Variants in MTMR10 observed in about 807,000 individuals in gnomAD.
MTMR10 encodes the protein myotubularin related protein 10, also known as myotubularin-related protein 10.
Under a neutral mutation model 88.1 loss-of-function variants are expected in MTMR10, and 56 were observed. That is an observed-to-expected ratio of 0.64 (90% CI 0.51 to 0.79). The LOEUF (loss-of-function observed/expected upper bound fraction) is 0.79, where lower values mean the gene tolerates loss of function less well. Among genes scored for constraint, MTMR10 ranks in the 30% least tolerant of loss-of-function variants. The pLI, the probability that MTMR10 is intolerant of heterozygous loss-of-function variation, is 0.00. For synonymous variants in MTMR10, 380 were observed against 340.9 expected, an observed-to-expected ratio of 1.11 and a Z score of -1.26; for missense variants, 883 against 924.7, an observed-to-expected ratio of 0.95 and a Z score of 0.58.
chr15:30,966,154 A>C (rs1268774615), intron 6 of MTMR10: 1 of 361,092 alleles, frequency 2.8e-6, no homozygotes, highest in Admixed American at 3.4e-5. Context: ...TGAAGGATGT[A>C]ATATAAAAAA....
the MTMR10 span, chr15:30,930,774 T>G: frequency 7.0e-7 from 1 of 1,425,566 alleles, no homozygotes; most frequent in Non-Finnish European, 9.8e-7. Context: ...AAGATTGAAT[T>G]CCTTGAGAGC....
downstream of MTMR10, among the ~76,000 whole-genome samples, chr15:30,936,127 T>C (rs1006185210): frequency 1.8e-5 from 1 of 55,466 alleles, no homozygotes; most frequent in Non-Finnish European, 4.7e-5. Flanking sequence ...TTTATTGCTG[T>C]GTCTTCAAGT....
intron 5 of MTMR10, among the ~76,000 whole-genome samples, chr15:30,973,180 A>G (rs1027546636): frequency 2.0e-5 from 3 of 152,200 alleles, no homozygotes; most frequent in Admixed American, 1.3e-4. Flanking sequence ...AAACAGCACA[A>G]TCGAACAGGT....
chr15:30,967,948 T>C lies in MTMR10; in HGVS notation c.537A>G (p.Glu179=). Residue 179 remains glutamate (E), a synonymous_variant, in exon 6 of 16, where the codon GAA becomes GAG. Coordinates refer to ENST00000435680, the MANE Select transcript of MTMR10 (RefSeq NM_017762.3). ...AATTGTGGTATTTTTTCCCAACATATTCAAATGCAAAGAGTAGCTGGAGGT... is the reference window on the plus strand; with the variant it reads ...AATTGTGGTATTTTTTCCCAACATACTCAAATGCAAAGAGTAGCTGGAGGT... The part of the protein sequence containing the change: ...PTDLQLLFAF[E]YVGKKYHNSA... 1 of 1,568,090 alleles carries C rather than the reference T, an allele frequency of 6.4e-7. No homozygotes were observed. The highest frequency in any genetic ancestry group is 8.7e-7 in the Non-Finnish European group (1 of 1,155,132).
chr15:30,955,339 C>G (rs190090516), intron 9 of MTMR10, among the ~76,000 whole-genome samples: 1 of 152,178 alleles, frequency 6.6e-6, no homozygotes, highest in Non-Finnish European at 1.5e-5. Context: ...GGCACCATCT[C>G]GGCTCACTGC....
At chr15:30,929,125 T>C in the MTMR10 span, 2 of 1,285,524 alleles carry the variant, frequency 1.6e-6, no homozygotes, top group Non-Finnish European at 2.2e-6. Flanking sequence ...TTCCAAGTTT[T>C]GTATGTACTG....
chr15:30,934,630 C>T (rs1038257590), downstream of MTMR10, among the ~76,000 whole-genome samples: 3 of 152,162 alleles, frequency 2.0e-5, no homozygotes, highest in Admixed American at 1.3e-4. Flanking sequence ...GTTCACCTGC[C>T]GTGGTCTCTT....
At chr15:30,976,517 T>C (rs963911388) in intron 3 of MTMR10, among the ~76,000 whole-genome samples, 4 of 152,228 alleles carry the variant, frequency 2.6e-5, no homozygotes, top group Non-Finnish European at 5.9e-5. Context: ...TTATGTCATT[T>C]TTATAAGCAG....
the MTMR10 span, chr15:30,928,582 A>T: frequency 1.2e-6 from 2 of 1,611,840 alleles, no homozygotes; most frequent in East Asian, 2.2e-5. Flanking sequence ...CACCTTCAGC[A>T]CCCTGTATGG....
the MTMR10 span, chr15:30,927,016 G>T: frequency 1.0e-6 from 1 of 985,408 alleles, no homozygotes; most frequent in Non-Finnish European, 1.2e-6. Context: ...GGACCACTTA[G>T]GAGTTAAGGA....
At chr15:30,927,980 T>C in the MTMR10 span, 2 of 985,822 alleles carry the variant, frequency 2.0e-6, no homozygotes, top group African/African-American at 1.7e-5. Context: ...TAAGGCCAGA[T>C]GTCTCTGTAA....
intron 4 of MTMR10, 45 bp downstream of exon 4, chr15:30,974,886 C>A: frequency 7.9e-7 from 1 of 1,260,852 alleles, no homozygotes; most frequent in Non-Finnish European, 1.1e-6. Context: ...AATAATACTT[C>A]CAGAGTGGAA....
At chr15:30,922,311 G>A in the MTMR10 span, 40 of 1,613,936 alleles carry the variant, frequency 2.5e-5, no homozygotes, top group African/African-American at 8.0e-5. Flanking sequence ...TGGTGGGATC[G>A]ACTGGCCCTT....
At chr15:30,976,538 C>A (rs758780218) in intron 3 of MTMR10, among the ~76,000 whole-genome samples, 2 of 152,148 alleles carry the variant, frequency 1.3e-5, no homozygotes, top group African/African-American at 2.4e-5. Context: ...GTTAAAAGAT[C>A]TGCAACAGAG....
intron 3 of MTMR10, among the ~76,000 whole-genome samples, chr15:30,976,181 G>A (rs1296089233): frequency 1.3e-5 from 2 of 150,812 alleles, no homozygotes; most frequent in African/African-American, 4.9e-5. Flanking sequence ...CAGGCAGATT[G>A]CTTGGGCTCA....
intron 12 of MTMR10, 121 bp downstream of exon 12, chr15:30,951,847 A>C (rs182747208): frequency 1.8e-4 from 143 of 803,832 alleles, no homozygotes; most frequent in Admixed American, 7.7e-4. Flanking sequence ...AATGTATTTG[A>C]TGGTACTGTA....
rs762987336 is a variant in MTMR10, at chr15:30,991,529, G to A, written c.-23C>T. On this transcript the variant is annotated 5_prime_UTR_variant, in exon 1 of 16. The change creates a new upstream start codon in the 5' untranslated region. Transcript: ENST00000435680. Reference sequence around the variant, plus strand: ...CATGGTGCCGCCGCCTTTTCGCCCCGTTCCCGTCGCGGGCCAGTGGCAGCG... The same window carrying A: ...CATGGTGCCGCCGCCTTTTCGCCCCATTCCCGTCGCGGGCCAGTGGCAGCG... 2.3e-5 allele frequency: 35 copies of A among 1,535,896 alleles called. No homozygotes were observed. The highest frequency in any genetic ancestry group is 2.6e-5 in the Non-Finnish European group (30 of 1,148,692).
chr15:30,980,155 G>A, intron 2 of MTMR10, among the ~76,000 whole-genome samples: 1 of 152,198 alleles, frequency 6.6e-6, no homozygotes, highest in East Asian at 1.9e-4. Flanking sequence ...GAGAAGTGAA[G>A]CACCTGAAAA....
chr15:30,938,691 T>C (rs553616266), downstream of MTMR10, among the ~76,000 whole-genome samples: 10 of 152,202 alleles, frequency 6.6e-5, no homozygotes, highest in East Asian at 1.9e-3. Flanking sequence ...TGGGGGAATA[T>C]TACTCCCCAG....
Sources: gnomAD v4.1 joint callset for allele counts (sites outside exome capture counted in the v4.1 genomes callset) on GRCh38, gnomAD v4.1.1 for gene constraint, MANE v1.5 for transcripts, NCBI Gene and HGNC (gene_info 2026-07-23, HGNC 2026-07-21) for gene names.